Variants in LRRC4C observed in about 807,000 individuals in gnomAD.
The protein encoded by LRRC4C is leucine-rich repeat-containing protein 4C.
LRRC4C carries 5 observed loss-of-function variants against 33.6 expected under a neutral mutation model. That is an observed-to-expected ratio of 0.15 (90% CI 0.08 to 0.31). LRRC4C has a LOEUF of 0.31. LRRC4C is among the 10% of genes least tolerant of loss of function. LRRC4C has a pLI of 1.00. For synonymous variants in LRRC4C, 329 were observed against 302.0 expected (o/e 1.09, Z -0.93); for missense variants, 560 against 796.7 (o/e 0.70, Z 3.58).
chr11:41,105,845 A>T (rs553818488), intron 1 of LRRC4C, among the ~76,000 whole-genome samples: 2 of 152,268 alleles, frequency 1.3e-5, no homozygotes, highest in African/African-American at 4.8e-5. Flanking sequence ...GAATGCACAT[A>T]TGATATGCAT....
At chr11:40,775,355 A>G (rs1014732371) in intron 2 of LRRC4C, among the ~76,000 whole-genome samples, 2 of 151,848 alleles carry the variant, frequency 1.3e-5, no homozygotes, top group Non-Finnish European at 2.9e-5. Flanking sequence ...GCTTGCAGTG[A>G]GCCTAGATTG....
chr11:40,444,576 A>G (rs1951545713), intron 3 of LRRC4C, among the ~76,000 whole-genome samples: 1 of 152,062 alleles, frequency 6.6e-6, no homozygotes, highest in Non-Finnish European at 1.5e-5. Flanking sequence ...GAATGCCTCT[A>G]TACAATCTTT....
intron 3 of LRRC4C, chr11:40,445,184 GACTGAGAAATGCAA>G (rs1476229351): frequency 5.9e-5 from 9 of 152,212 alleles, no homozygotes; most frequent in Admixed American, 5.9e-4. Flanking sequence ...AAAAATAGCA[GACTGAGAAATGCAA>G]AGTGTGTGTC....
chr11:41,034,532 A>G (rs1314060258), intron 1 of LRRC4C, among the ~76,000 whole-genome samples: 18 of 145,438 alleles, frequency 1.2e-4, no homozygotes, highest in Non-Finnish European at 4.5e-5. Context: ...ATATATTTAT[A>G]TATATAATAT....
At position 41,006,754 on chromosome 11, in the gene LRRC4C, T is replaced by G. The variant is rs538304956; in HGVS notation, c.-495-73031A>C. Among the ~76,000 whole-genome samples the G allele has an allele frequency of 2.2e-4, 34 of 152,304 alleles. No individual in the cohort carries two copies. The South Asian group carries it at 7.1e-3, about 32-fold the overall frequency. On this transcript the variant is annotated intron_variant, in intron 1 of 6. Coordinates refer to ENST00000528697, the MANE Select transcript of LRRC4C (RefSeq NM_001258419.2). ...TAGAGAAAGAAAAAGCTTCAAGGAT[T>G]AAATAACACTGGAAATTCTTTGTAT...
chr11:40,697,444 C>A (rs960532442), intron 2 of LRRC4C, among the ~76,000 whole-genome samples: 1 of 152,004 alleles, frequency 6.6e-6, no homozygotes, highest in Non-Finnish European at 1.5e-5. Flanking sequence ...ACATTATTTT[C>A]TTTTTATGAA....
At chr11:41,252,502 T>A (rs1230494858) in intron 1 of LRRC4C, among the ~76,000 whole-genome samples, 3 of 152,096 alleles carry the variant, frequency 2.0e-5, no homozygotes, top group Non-Finnish European at 4.4e-5. Flanking sequence ...GAGGAAAACT[T>A]TTTAAAGTTT....
At chr11:40,679,997 G>C (rs566284551) in intron 2 of LRRC4C, among the ~76,000 whole-genome samples, 22 of 152,122 alleles carry the variant, frequency 1.4e-4, no homozygotes, top group Non-Finnish European at 2.8e-4. Context: ...TATTAGGGGG[G>C]ATATACCTTG....
At chr11:40,881,984 G>A (rs1480411845) in intron 2 of LRRC4C, among the ~76,000 whole-genome samples, 2 of 151,932 alleles carry the variant, frequency 1.3e-5, no homozygotes, top group Non-Finnish European at 2.9e-5. Flanking sequence ...GAAGTCAGCA[G>A]GTTTTTTTTC....
intron 3 of LRRC4C, among the ~76,000 whole-genome samples, chr11:40,326,111 A>C (rs1240538312): frequency 6.6e-6 from 1 of 152,058 alleles, no homozygotes; most frequent in Non-Finnish European, 1.5e-5. Flanking sequence ...GGTTATAAAA[A>C]CTGTTGCTTG....
At chr11:41,211,796 C>T (rs1180586535) in intron 1 of LRRC4C, among the ~76,000 whole-genome samples, 4 of 152,124 alleles carry the variant, frequency 2.6e-5, no homozygotes, top group African/African-American at 9.7e-5. Context: ...AACATACGTG[C>T]TCATGTGTCT....
intron 3 of LRRC4C, among the ~76,000 whole-genome samples, chr11:40,644,087 A>G (rs998546447): frequency 2.0e-5 from 3 of 152,204 alleles, no homozygotes; most frequent in South Asian, 2.1e-4. Flanking sequence ...TCAGTTTCAT[A>G]CCTTATAAAA....
intron 1 of LRRC4C, among the ~76,000 whole-genome samples, chr11:41,185,840 G>A (rs1945670914): frequency 6.6e-6 from 1 of 151,500 alleles, no homozygotes; most frequent in Admixed American, 6.6e-5. Context: ...ATACACAATT[G>A]TTCTATTATA....
At chr11:40,640,483 A>C (rs1046508073) in intron 3 of LRRC4C, among the ~76,000 whole-genome samples, 1 of 152,018 alleles carries the variant, frequency 6.6e-6, no homozygotes, top group Admixed American at 6.5e-5. Context: ...ATACCTAGAG[A>C]AACAAATATA....
chr11:40,695,570 C>A (rs1490812700), intron 2 of LRRC4C, among the ~76,000 whole-genome samples: 1 of 152,154 alleles, frequency 6.6e-6, no homozygotes, highest in Non-Finnish European at 1.5e-5. Context: ...TTCTGGAGGT[C>A]AGAAGTCTGA....
chr11:40,263,251 A>G (rs1369482355), intron 4 of LRRC4C, among the ~76,000 whole-genome samples: 1 of 152,180 alleles, frequency 6.6e-6, no homozygotes, highest in Non-Finnish European at 1.5e-5. Context: ...TCACACTGCT[A>G]TGGGACATGG....
chr11:40,470,297 C>G (rs1007801345), intron 3 of LRRC4C, among the ~76,000 whole-genome samples: 4 of 152,198 alleles, frequency 2.6e-5, no homozygotes, highest in Non-Finnish European at 5.9e-5. Context: ...AGGGGCCTGA[C>G]TGTTAGAAGG....
chr11:41,219,764 T>A (rs1947222926), intron 1 of LRRC4C, among the ~76,000 whole-genome samples: 1 of 152,222 alleles, frequency 6.6e-6, no homozygotes, highest in Non-Finnish European at 1.5e-5. Context: ...AGATGAAGTT[T>A]CAGAGATGCA....
At chr11:40,305,520 T>C (rs1483511372) in intron 4 of LRRC4C, among the ~76,000 whole-genome samples, 4 of 152,140 alleles carry the variant, frequency 2.6e-5, no homozygotes, top group African/African-American at 9.7e-5. Context: ...CAACAAGCTG[T>C]TTCTGTAGCA....
Sources: allele counts gnomAD v4.1 joint callset (sites outside exome capture counted in the v4.1 genomes callset), GRCh38; gene constraint gnomAD v4.1.1; transcripts MANE v1.5; gene names NCBI Gene and HGNC (gene_info 2026-07-23, HGNC 2026-07-21).